PIN4: variants seen among roughly 807,000 people sequenced by gnomAD.
The protein encoded by PIN4 is peptidylprolyl cis/trans isomerase, NIMA-interacting 4, also known as peptidyl-prolyl cis-trans isomerase NIMA-interacting 4.
PIN4 carries 3 observed loss-of-function variants against 8.3 expected under a neutral mutation model. The ratio of observed to expected loss-of-function variants is 0.36; its 90% CI spans 0.16 to 0.93. The LOEUF is 0.93. PIN4 is among the 40% of genes least tolerant of loss of function. The probability of loss-of-function intolerance (pLI) is 0.44; values close to 1 mark genes in which losing one functional copy is unlikely to be tolerated. For synonymous variants in PIN4, 18 were observed against 32.5 expected (o/e 0.55, Z 1.52); for missense variants, 75 against 100.6 (o/e 0.75, Z 1.09).
At chrX:72,259,784 G>A (rs924930028) in intron 3 of PIN4, among the ~76,000 whole-genome samples, 121 of 96,512 alleles carry the variant, frequency 1.3e-3, no homozygotes, top group South Asian at 3.2e-3. Flanking sequence ...AGGCTGGAGT[G>A]CAGTGGTACA....
At chrX:72,192,491 G>T (rs984160142) in intron 2 of PIN4, among the ~76,000 whole-genome samples, 2 of 111,574 alleles carry the variant, frequency 1.8e-5, no homozygotes, top group Non-Finnish European at 3.8e-5. Flanking sequence ...CTTAACCCTT[G>T]TTGACCATTT....
At chrX:72,262,836 T>A (rs1010558375) in exon 4 of PIN4, 2 of 750,404 alleles carry the variant, frequency 2.7e-6, no homozygotes, top group Admixed American at 2.8e-5. Context: ...ATCTATTCAA[T>A]GTTGATTCTA....
chrX:72,181,811 C>T lies in PIN4; in HGVS notation c.26C>T (p.Ser9Phe). The change falls in exon 1 of 4, where the codon TCT becomes TTT. Residue 9 changes from serine to phenylalanine, a missense_variant. By Grantham distance (155) the Ser-to-Phe change is radical. Coordinates refer to ENST00000373669, the MANE Select transcript of PIN4 (RefSeq NM_006223.4). MPPKGKSG[S>F]GKAGKGGAAS... is the part of the protein sequence containing the mutation. ...ATGCCGCCCAAAGGAAAAAGTGGTT[C>T]TGGAAAAGCGGGGAAAGGTAGAGCG... 2 of 1,169,203 alleles carry T rather than the reference C, an allele frequency of 1.7e-6. No individual in the cohort carries two copies. Among genetic ancestry groups the T allele is most frequent in the Admixed American group, 2.2e-5 (1 of 45,149 alleles).
chrX:72,207,574 C>T lies in PIN4; in HGVS notation c.312+10670C>T, dbSNP rs139313430. 214 of 1,209,555 alleles carry T rather than the reference C, an allele frequency of 1.8e-4. No homozygotes were observed. Among genetic ancestry groups the T allele is most frequent in the Non-Finnish European group, 2.3e-4 (202 of 895,077 alleles). ...GACACCTAGCTCAGCCAAAGGTGAGCGCGTCTCCATTAGCAACTCCTTGAT... is the reference window on the plus strand; with the variant it reads ...GACACCTAGCTCAGCCAAAGGTGAGTGCGTCTCCATTAGCAACTCCTTGAT... On this transcript the variant is annotated intron_variant, in intron 3 of 3. Transcript: ENST00000423432.
chrX:72,212,226 G>A (rs138349612), intron 3 of PIN4, among the ~76,000 whole-genome samples: 2,048 of 109,795 alleles, frequency 0.019, 52 homozygotes, highest in African/African-American at 0.065. Flanking sequence ...AGCCAAGATC[G>A]CACCACTACA....
chrX:72,230,775 G>C (rs1390043264), intron 3 of PIN4, among the ~76,000 whole-genome samples: 1 of 111,158 alleles, frequency 9.0e-6, no homozygotes, highest in Non-Finnish European at 1.9e-5. Flanking sequence ...ACCAGCCTGG[G>C]CAACATGGCA....
rs372682770 is a variant in PIN4 at position 72,227,602 on chromosome X, G to A, written c.312+30698G>A. On this transcript the variant is annotated intron_variant, in intron 3 of 3. Coordinates refer to the PIN4 transcript ENST00000423432. ...GTTTCCCCTCTTCTGTATATTATCC[G>A]CCATTTCATTTGGGAATATGCTGAC... 8.3e-4 allele frequency among the ~76,000 whole-genome samples: 92 copies of A among 110,756 alleles called. 1 individual carries two copies. Among genetic ancestry groups the A allele is most frequent in the East Asian group, 8.0e-3 (28 of 3,520 alleles).
intron 3 of PIN4, chrX:72,238,925 G>A: frequency 8.5e-7 from 1 of 1,182,641 alleles, no homozygotes; most frequent in South Asian, 1.9e-5. Flanking sequence ...CCTCGGATTG[G>A]GTTCCAGTTA....
At chrX:72,218,683 C>T (rs1045066572) in intron 3 of PIN4, among the ~76,000 whole-genome samples, 4 of 109,993 alleles carry the variant, frequency 3.6e-5, no homozygotes, top group African/African-American at 1.3e-4. Flanking sequence ...TTACTAGAGA[C>T]GGGGTTTCAC....
At chrX:72,213,306 A>G (rs189657410) in intron 3 of PIN4, among the ~76,000 whole-genome samples, 6 of 112,058 alleles carry the variant, frequency 5.4e-5, no homozygotes, top group African/African-American at 1.9e-4. Flanking sequence ...GCTCACTGAA[A>G]TACAAATTAG....
At chrX:72,242,945 G>A (rs144210804) in intron 3 of PIN4, among the ~76,000 whole-genome samples, 3,761 of 111,088 alleles carry the variant, frequency 0.034, 68 homozygotes, top group Non-Finnish European at 0.051. Context: ...CCCAGGAGGC[G>A]GAGGTTGCAG....
downstream of PIN4, among the ~76,000 whole-genome samples, chrX:72,202,953 G>T (rs1023664986): frequency 8.9e-6 from 1 of 111,805 alleles, no homozygotes; most frequent in African/African-American, 3.3e-5. Flanking sequence ...TAATGACATA[G>T]CTTGTGGCTG....
chrX:72,208,943 A>T (rs1025283663), intron 3 of PIN4, among the ~76,000 whole-genome samples: 2 of 111,887 alleles, frequency 1.8e-5, no homozygotes, highest in Non-Finnish European at 3.8e-5. Flanking sequence ...TGCAAAGGTT[A>T]TTGGTTCCAC....
upstream of PIN4, chrX:72,181,748 A>C: frequency 8.4e-7 from 1 of 1,188,617 alleles, no homozygotes. Flanking sequence ...CTTGTACGGC[A>C]ACTGGAGCGG....
At chrX:72,232,573 C>T (rs2042991376) in intron 3 of PIN4, among the ~76,000 whole-genome samples, 1 of 112,291 alleles carries the variant, frequency 8.9e-6, no homozygotes, top group African/African-American at 3.2e-5. Context: ...CTTGGGGAGG[C>T]CAAGGCAGGC....
rs758299359 is a variant in PIN4 at position 72,189,055 on chromosome X, C to T, written c.117+2521C>T. The stretch of plus-strand genomic sequence containing the variant: ...TCGTGTGTGCCTGTAGTCCCAGCTA[C>T]TTGGGAGGCTGAGGTAGGAGGATTG... On this transcript the variant is annotated intron_variant, in intron 2 of 3. Transcript: ENST00000373669. Among the ~76,000 whole-genome samples the T allele has an allele frequency of 2.4e-3, 264 of 111,288 alleles. 1 individual carries two copies. The highest frequency in any genetic ancestry group is 8.1e-3 in the African/African-American group (246 of 30,427).
At chrX:72,208,666 T>A in intron 3 of PIN4, 1 of 1,205,482 alleles carries the variant, frequency 8.3e-7, no homozygotes, top group Non-Finnish European at 1.1e-6. Context: ...CAGGTCTCCA[T>A]TCTTAGTTGC....
chrX:72,197,528 A>G lies in PIN4; in HGVS notation c.*2A>G. The G allele has an allele frequency of 8.4e-7, 1 of 1,189,648 alleles. No individual in the cohort carries two copies. The highest frequency in any genetic ancestry group is 1.8e-5 in the South Asian group (1 of 55,997). On this transcript the variant is annotated 3_prime_UTR_variant, in exon 4 of 4. Coordinates refer to ENST00000373669, the MANE Select transcript of PIN4 (RefSeq NM_006223.4). ...ATTATGGTCGAAGGAAGAAAATAAA[A>G]TCATATGAAAGACTGAATAAGTTTT...
chrX:72,181,951 C>T (rs1382909529), intron 1 of PIN4, 123 bp downstream of exon 1: 2 of 509,677 alleles, frequency 3.9e-6, no homozygotes, highest in South Asian at 2.8e-5. Context: ...ACAGTGCTGC[C>T]ATCGATTACA....
Sources: gnomAD v4.1 joint callset for allele counts (sites outside exome capture counted in the v4.1 genomes callset) on GRCh38, gnomAD v4.1.1 for gene constraint, MANE v1.5 for transcripts, NCBI Gene and HGNC (gene_info 2026-07-23, HGNC 2026-07-21) for gene names.